GSK3B: variants seen among roughly 807,000 people sequenced by gnomAD.
GSK3B encodes glycogen synthase kinase-3 beta.
A neutral mutation model predicts 56.4 loss-of-function variants in GSK3B; 15 were observed. The observed-to-expected ratio is 0.27, with a 90% CI of 0.18 to 0.41. The LOEUF is 0.41. Ranked by LOEUF, GSK3B falls within the 10% of genes least tolerant of loss-of-function variation. The pLI, the probability that GSK3B is intolerant of heterozygous loss-of-function variation, is 1.00. For synonymous variants in GSK3B, 181 were observed against 188.9 expected (o/e 0.96, Z 0.34); for missense variants, 300 against 513.4 (o/e 0.58, Z 4.02).
At chr3:119,999,355 G>C (rs1461826396) in intron 2 of GSK3B, among the ~76,000 whole-genome samples, 2 of 152,122 alleles carry the variant, frequency 1.3e-5, no homozygotes, top group African/African-American at 4.8e-5. Flanking sequence ...GTCTAGATTC[G>C]AATCCTTGCT....
At position 120,094,189 on chromosome 3, in the gene GSK3B, T is replaced by G. The variant is rs942618410; in HGVS notation, c.-755A>C. ...GACTGTTCCCCATTCGCCGGGGACA[T>G]GGGAACCCGGCAACCGCTTCCGTCC... On this transcript the variant is annotated 5_prime_UTR_variant, in exon 1 of 11. The change abolishes an upstream ATG in the 5' untranslated region. Transcript: ENST00000264235. 5 of 226,598 alleles carry G rather than the reference T, an allele frequency of 2.2e-5. No individual in the cohort carries two copies. Among genetic ancestry groups the G allele is most frequent in the East Asian group, 6.4e-5 (1 of 15,584 alleles). 14.0% of individuals were successfully genotyped at this position (226,598 alleles called of 1,614,324 possible). A position where few individuals can be genotyped will look rare whatever the true frequency, so the allele number is the denominator to read the frequency against.
At chr3:119,938,235 A>T (rs565934315) in intron 3 of GSK3B, among the ~76,000 whole-genome samples, 3 of 151,948 alleles carry the variant, frequency 2.0e-5, no homozygotes, top group South Asian at 2.1e-4. Context: ...AGACTCTTCT[A>T]AAAAAAATAG....
intron 2 of GSK3B, among the ~76,000 whole-genome samples, chr3:119,971,497 T>C (rs904792745): frequency 2.6e-5 from 4 of 152,074 alleles, no homozygotes; most frequent in African/African-American, 9.7e-5. Flanking sequence ...CAGAATTTCA[T>C]TATAGCTTCC....
At chr3:119,876,382 AT>A in intron 8 of GSK3B, 30 bp downstream of exon 8, 1 of 1,146,824 alleles carries the variant, frequency 8.7e-7, no homozygotes, top group Non-Finnish European at 1.3e-6. Flanking sequence ...TTAACTACTG[AT>A]TAATATACTT....
rs763533042 is a variant in GSK3B, at chr3:120,002,243, A to C, written c.89-4T>G. The C allele has an allele frequency of 4.6e-6, 7 of 1,508,860 alleles. No homozygotes were observed. The Admixed American group carries it at 1.7e-4, about 36-fold the overall frequency. 93.5% of individuals were successfully genotyped at this position (1,508,860 alleles called of 1,614,324 possible). A position where few individuals can be genotyped will look rare whatever the true frequency, so the allele number is the denominator to read the frequency against. On this transcript the variant is annotated splice_polypyrimidine_tract_variant and splice_region_variant and intron_variant, in intron 1 of 10. Coordinates refer to ENST00000264235, the MANE Select transcript of GSK3B (RefSeq NM_001146156.2). Reference sequence around the variant, plus strand: ...ACCTTGCTGCCGTCCTTGTCTCCTAAAGGAAGAAAGGAAATTTTTTTTTCA... The same window carrying C: ...ACCTTGCTGCCGTCCTTGTCTCCTACAGGAAGAAAGGAAATTTTTTTTTCA...
intron 1 of GSK3B, among the ~76,000 whole-genome samples, chr3:120,013,473 C>A (rs2057796476): frequency 1.3e-5 from 2 of 152,150 alleles, no homozygotes; most frequent in African/African-American, 4.8e-5. Flanking sequence ...ATGCCACAGT[C>A]TAATAAATAC....
At chr3:119,969,109 C>T (rs1245655598) in intron 2 of GSK3B, among the ~76,000 whole-genome samples, 1 of 151,756 alleles carries the variant, frequency 6.6e-6, no homozygotes, top group Non-Finnish European at 1.5e-5. Flanking sequence ...CTGGCCAACA[C>T]CGTGAAACCC....
chr3:119,831,985 C>T (rs2107999330), intron 10 of GSK3B, among the ~76,000 whole-genome samples: 1 of 152,336 alleles, frequency 6.6e-6, no homozygotes, highest in African/African-American at 2.4e-5. Flanking sequence ...TCCAAGATGA[C>T]CCCAATGATT....
chr3:119,999,618 A>G (rs1054372885), intron 2 of GSK3B, among the ~76,000 whole-genome samples: 7 of 152,256 alleles, frequency 4.6e-5, no homozygotes, highest in African/African-American at 1.7e-4. Context: ...CATAAAAAAT[A>G]TGGAATTTCC....
intron 1 of GSK3B, among the ~76,000 whole-genome samples, chr3:120,008,372 T>C (rs1477882649): frequency 2.0e-5 from 3 of 152,186 alleles, no homozygotes; most frequent in Non-Finnish European, 4.4e-5. Flanking sequence ...AAATTTCATA[T>C]GGAAACACAA....
chr3:120,024,328 G>C (rs2057905551), intron 1 of GSK3B, among the ~76,000 whole-genome samples: 1 of 152,044 alleles, frequency 6.6e-6, no homozygotes, highest in Non-Finnish European at 1.5e-5. Context: ...ACTCCAGCCT[G>C]GGCAACACAG....
In GSK3B at chr3:120,005,223, G is replaced by GA. The variant is rs1229560155; in HGVS notation, c.89-2985dup. Among the ~76,000 whole-genome samples, 11 of 151,588 alleles carry GA rather than the reference G, an allele frequency of 7.3e-5. No individual in the cohort carries two copies. In the South Asian group the frequency reaches 1.2e-3, roughly 17 times the overall value. On this transcript the variant is annotated intron_variant, in intron 1 of 10. Transcript: ENST00000264235. ...GAAATAAAGCGAGAAGACAAGATTAGAAAAAAAAGAGTGAAAAGAAATGAA... is the reference window on the plus strand; with the variant it reads ...GAAATAAAGCGAGAAGACAAGATTAGAAAAAAAAAGAGTGAAAAGAAATGAA...
chr3:119,938,277 C>T (rs1485498956), intron 3 of GSK3B, among the ~76,000 whole-genome samples: 3 of 152,048 alleles, frequency 2.0e-5, no homozygotes, highest in South Asian at 2.1e-4. Flanking sequence ...CCTCATTCTA[C>T]AAGGCAAGCA....
At chr3:119,894,312 A>T (rs1244976625) in intron 7 of GSK3B, among the ~76,000 whole-genome samples, 2 of 152,116 alleles carry the variant, frequency 1.3e-5, no homozygotes, top group Non-Finnish European at 2.9e-5. Context: ...CATATAACTC[A>T]ATGTTTAATA....
intron 2 of GSK3B, among the ~76,000 whole-genome samples, chr3:119,949,430 T>C (rs973993827): frequency 6.6e-6 from 1 of 152,086 alleles, no homozygotes; most frequent in African/African-American, 2.4e-5. Context: ...ACTGTGGTTA[T>C]AGGGAACTGC....
chr3:119,933,724 A>G (rs901528210), intron 3 of GSK3B, among the ~76,000 whole-genome samples: 5 of 152,144 alleles, frequency 3.3e-5, no homozygotes, highest in African/African-American at 1.2e-4. Flanking sequence ...TGAAAATAAA[A>G]AAATTAGCCA....
intron 1 of GSK3B, among the ~76,000 whole-genome samples, chr3:120,005,960 C>T (rs929968721): frequency 2.0e-5 from 3 of 152,042 alleles, no homozygotes; most frequent in East Asian, 1.9e-4. Flanking sequence ...CTAAATTCCC[C>T]AATTAAAAGA....
chr3:120,039,747 T>C (rs948356026), intron 1 of GSK3B, among the ~76,000 whole-genome samples: 2 of 152,188 alleles, frequency 1.3e-5, no homozygotes, highest in African/African-American at 4.8e-5. Flanking sequence ...GACTATGCAT[T>C]AGAGATAAAA....
rs1257081958 is a variant in GSK3B, at chr3:119,992,642, GA to G, written c.282+9403del. 1.8e-4 allele frequency among the ~76,000 whole-genome samples: 26 copies of G among 144,828 alleles called. 1 individual carries two copies. Among genetic ancestry groups the G allele is most frequent in the Non-Finnish European group, 9.1e-5 (6 of 65,602 alleles). Reference sequence around the variant, plus strand: ...GGGAAGGAAGGACTCTTACATATCAGAAAAAAAAAACTACCATACACAAAGT... The same window carrying G: ...GGGAAGGAAGGACTCTTACATATCAGAAAAAAAAACTACCATACACAAAGT... On this transcript the variant is annotated intron_variant, in intron 2 of 10. Coordinates refer to ENST00000264235, the MANE Select transcript of GSK3B (RefSeq NM_001146156.2).
Sources: gnomAD v4.1 joint callset for allele counts (sites outside exome capture counted in the v4.1 genomes callset) on GRCh38, gnomAD v4.1.1 for gene constraint, MANE v1.5 for transcripts, NCBI Gene and HGNC (gene_info 2026-07-23, HGNC 2026-07-21) for gene names.